BLTP1: variants seen among roughly 807,000 people sequenced by gnomAD.
The protein encoded by BLTP1 is fragile site-associated protein.
At chr4:122,184,657 C>CA in the BLTP1 span, 1 of 983,220 alleles carries the variant, frequency 1.0e-6, no homozygotes, top group Non-Finnish European at 1.2e-6. Flanking sequence ...AACCAAAAAA[C>CA]AAAAAACATT....
the BLTP1 span, among the ~76,000 whole-genome samples, chr4:122,309,898 A>G: frequency 6.6e-6 from 1 of 152,264 alleles, no homozygotes; most frequent in African/African-American, 2.4e-5. Flanking sequence ...TCAAATTTGT[A>G]GGAGTGCAGA....
At chr4:122,337,472 TAC>T in the BLTP1 span, among the ~76,000 whole-genome samples, 6 of 152,096 alleles carry the variant, frequency 3.9e-5, no homozygotes, top group Non-Finnish European at 7.4e-5. Context: ...GTCCTCAAAG[TAC>T]AGTTTCTACT....
At chr4:122,328,074 C>T in the BLTP1 span, 2 of 1,449,320 alleles carry the variant, frequency 1.4e-6, no homozygotes, top group Non-Finnish European at 1.8e-6. Context: ...AAATATGAAT[C>T]TGATTCATGT....
At chr4:122,347,920 C>T in the BLTP1 span, 3 of 619,932 alleles carry the variant, frequency 4.8e-6, no homozygotes, top group Non-Finnish European at 5.5e-6. Flanking sequence ...AAAAAAATCC[C>T]CAACACAGTA....
the BLTP1 span, among the ~76,000 whole-genome samples, chr4:122,244,245 A>G: frequency 6.6e-6 from 1 of 152,158 alleles, no homozygotes; most frequent in South Asian, 2.1e-4. Context: ...CTACTTTCTC[A>G]GCCTAAATAA....
At chr4:122,264,414 T>C in the BLTP1 span, 1 of 1,606,864 alleles carries the variant, frequency 6.2e-7, no homozygotes, top group South Asian at 1.1e-5. Context: ...GCTGTTCAGC[T>C]TGCTGATGCA....
At chr4:122,311,675 T>G in the BLTP1 span, among the ~76,000 whole-genome samples, 1 of 152,122 alleles carries the variant, frequency 6.6e-6, no homozygotes, top group Non-Finnish European at 1.5e-5. Flanking sequence ...ACAAGGACAG[T>G]CTATAGGAAG....
the BLTP1 span, chr4:122,206,022 T>C: frequency 4.1e-6 from 4 of 982,440 alleles, no homozygotes; most frequent in Non-Finnish European, 4.8e-6. Flanking sequence ...AGAGCTTTTA[T>C]TTATTGGGAT....
At chr4:122,267,431 T>A in the BLTP1 span, 1 of 152,664 alleles carries the variant, frequency 6.6e-6, no homozygotes, top group Admixed American at 6.5e-5. Flanking sequence ...ATTTTCTTAT[T>A]AATAACTAGT....
the BLTP1 span, among the ~76,000 whole-genome samples, chr4:122,279,335 A>G: frequency 6.6e-6 from 1 of 152,182 alleles, no homozygotes; most frequent in South Asian, 2.1e-4. Flanking sequence ...TGTGGGCTTC[A>G]TCAACATTGT....
At chr4:122,314,128 T>G in the BLTP1 span, 1 of 984,892 alleles carries the variant, frequency 1.0e-6, no homozygotes, top group East Asian at 1.1e-4. Flanking sequence ...GGGACAAACA[T>G]TTAAACAAGC....
chr4:122,351,273 A>C, the BLTP1 span: 1 of 908,230 alleles, frequency 1.1e-6, no homozygotes, highest in Non-Finnish European at 1.3e-6. Context: ...CAAGAGAAGC[A>C]AAAAATAAAA....
At chr4:122,319,311 T>C in the BLTP1 span, among the ~76,000 whole-genome samples, 1 of 152,050 alleles carries the variant, frequency 6.6e-6, no homozygotes, top group East Asian at 1.9e-4. Flanking sequence ...GAAGTTTAGA[T>C]AATTGATTTT....
At chr4:122,226,907 G>A in the BLTP1 span, 1 of 1,195,192 alleles carries the variant, frequency 8.4e-7, no homozygotes, top group Non-Finnish European at 1.1e-6. Flanking sequence ...TGAGATATCA[G>A]CTTCAAGTCA....
chr4:122,233,372 G>C, the BLTP1 span, among the ~76,000 whole-genome samples: 7 of 152,176 alleles, frequency 4.6e-5, no homozygotes, highest in Non-Finnish European at 8.8e-5. Context: ...AGGAAACTGA[G>C]GCTCAGAGAT....
the BLTP1 span, among the ~76,000 whole-genome samples, chr4:122,311,663 T>C: frequency 6.6e-6 from 1 of 152,118 alleles, no homozygotes; most frequent in Non-Finnish European, 1.5e-5. Flanking sequence ...CATTAGAAAT[T>C]AACAAGGACA....
chr4:122,164,051 G>A, the BLTP1 span, among the ~76,000 whole-genome samples: 7 of 152,118 alleles, frequency 4.6e-5, no homozygotes, highest in Non-Finnish European at 7.3e-5. Flanking sequence ...TCTTGCTAAG[G>A]TATTAACTGA....
At chr4:122,185,162 G>T in the BLTP1 span, 1 of 983,652 alleles carries the variant, frequency 1.0e-6, no homozygotes. Flanking sequence ...AGATTACTAG[G>T]TGAAAAGAAA....
the BLTP1 span, chr4:122,179,845 A>C: frequency 1.0e-6 from 1 of 985,254 alleles, no homozygotes; most frequent in African/African-American, 1.7e-5. Context: ...CCTCACAGAG[A>C]TAAATACACA....
Sources: allele counts gnomAD v4.1 joint callset (sites outside exome capture counted in the v4.1 genomes callset), GRCh38; gene constraint gnomAD v4.1.1; transcripts MANE v1.5; gene names NCBI Gene and HGNC (gene_info 2026-07-23, HGNC 2026-07-21).